The following WDR72 variants were observed in gnomAD, a reference collection of about 807,000 sequenced individuals.
WDR72 encodes WD repeat-containing protein 72.
A neutral mutation model predicts 124.2 loss-of-function variants in WDR72; 120 were observed. The ratio of observed to expected loss-of-function variants is 0.97; its 90% confidence interval spans 0.83 to 1.12. The LOEUF is 1.12. Among genes scored for constraint, WDR72 ranks in the 50% most tolerant of loss-of-function variants. WDR72 has a pLI of 0.00. For missense variants in WDR72, 1,387 were observed against 1,278.8 expected (o/e 1.08, Z -1.29); for synonymous variants, 452 against 441.7 (o/e 1.02, Z -0.29).
intron 14 of WDR72, among the ~76,000 whole-genome samples, chr15:53,640,427 A>C (rs1458396194): frequency 6.6e-6 from 1 of 152,126 alleles, no homozygotes; most frequent in African/African-American, 2.4e-5. Context: ...ACTGATGTAG[A>C]ATTTGGGGTA....
At chr15:53,747,132 A>G (rs893424581) in intron 1 of WDR72, among the ~76,000 whole-genome samples, 1 of 152,238 alleles carries the variant, frequency 6.6e-6, no homozygotes, top group Non-Finnish European at 1.5e-5. Flanking sequence ...AGAACATACC[A>G]GTCCAAGCTG....
chr15:53,726,264 G>GTGTATATATATATATATATATATATATA (rs1555428779), intron 2 of WDR72, among the ~76,000 whole-genome samples: 1 of 110,356 alleles, frequency 9.1e-6, no homozygotes, highest in African/African-American at 4.6e-5. Context: ...ATGTATGTGT[G>GTGTATATATATATATATATATATATATA]TATATATATA....
chr15:53,600,916 T>C (rs565413504), intron 17 of WDR72, among the ~76,000 whole-genome samples: 20 of 152,300 alleles, frequency 1.3e-4, no homozygotes, highest in African/African-American at 4.6e-4. Flanking sequence ...TATTTTTATG[T>C]TGAGTGTTTA....
chr15:53,740,598 T>G (rs978293486), intron 1 of WDR72, among the ~76,000 whole-genome samples: 1 of 152,210 alleles, frequency 6.6e-6, no homozygotes, highest in Non-Finnish European at 1.5e-5. Context: ...TCAACTAATT[T>G]TGATGCTTCT....
Position 53,714,450 on chromosome 15 carries a change from G to C in WDR72, c.575C>G (p.Ser192Cys), listed in dbSNP as rs201955540. 5.6e-6 allele frequency: 9 copies of C among 1,613,628 alleles called. No homozygotes were observed. The highest frequency in any genetic ancestry group is 7.6e-6 in the Non-Finnish European group (9 of 1,179,792). ...CAAGCCAACCTGAATGCTGTTGATA[G>C]ATGAGGAAAGATCCCATACTTTGAG... ...GELKVWDLSS[S>C]INSIQEKQDV... The change falls in exon 6 of 20, where the codon TCT becomes TGT. Residue 192 changes from serine to cysteine, a missense_variant. By Grantham distance (112) the Ser-to-Cys change is moderately radical (BLOSUM62 -1). Transcript: ENST00000360509.
At chr15:53,522,843 AC>A (rs1212109303) in intron 19 of WDR72, among the ~76,000 whole-genome samples, 13 of 151,880 alleles carry the variant, frequency 8.6e-5, no homozygotes, top group Non-Finnish European at 1.3e-4. Context: ...TTCTCTTTTC[AC>A]CCCCGTCTGT....
intron 18 of WDR72, among the ~76,000 whole-genome samples, chr15:53,580,691 G>A (rs72745159): frequency 3.0e-4 from 46 of 151,832 alleles, no homozygotes; most frequent in Non-Finnish European, 5.7e-4. Flanking sequence ...AACAGCTCAC[G>A]TTACCCAAAT....
chr15:53,700,402 A>C (rs1426938976), intron 12 of WDR72, among the ~76,000 whole-genome samples: 1 of 152,222 alleles, frequency 6.6e-6, no homozygotes, highest in African/African-American at 2.4e-5. Context: ...AGAACTATAC[A>C]GGTTCTAATC....
intron 18 of WDR72, chr15:53,541,211 C>A (rs968447754): frequency 1.3e-5 from 2 of 153,084 alleles, no homozygotes; most frequent in African/African-American, 4.8e-5. Context: ...AACAAAAAGA[C>A]AGCAGTAACC....
intron 17 of WDR72, among the ~76,000 whole-genome samples, chr15:53,608,358 T>C (rs1290527216): frequency 6.6e-6 from 1 of 152,172 alleles, no homozygotes; most frequent in African/African-American, 2.4e-5. Flanking sequence ...TGAGATCCTG[T>C]CATTTGCAAC....
chr15:53,742,272 A>G (rs1377183990), intron 1 of WDR72, among the ~76,000 whole-genome samples: 2 of 152,192 alleles, frequency 1.3e-5, no homozygotes, highest in Admixed American at 1.3e-4. Context: ...AGGAATCTCT[A>G]AGTGAAAATA....
intron 18 of WDR72, among the ~76,000 whole-genome samples, chr15:53,591,161 C>G (rs1482086384): frequency 6.6e-6 from 1 of 152,010 alleles, no homozygotes; most frequent in Admixed American, 6.6e-5. Context: ...TCTTGAGCCC[C>G]AAAGACTATG....
At chr15:53,609,763 G>A (rs2013454980) in intron 16 of WDR72, among the ~76,000 whole-genome samples, 171 bp from the exon 17 acceptor site, 1 of 151,916 alleles carries the variant, frequency 6.6e-6, no homozygotes, top group African/African-American at 2.4e-5. Context: ...GTAGAGGTGG[G>A]ACAGGCATTA....
intron 18 of WDR72, among the ~76,000 whole-genome samples, chr15:53,595,267 G>C (rs367707332): frequency 1.3e-5 from 2 of 149,516 alleles, no homozygotes; most frequent in East Asian, 3.9e-4. Flanking sequence ...GTCATAGTAA[G>C]ACTAAATTCT....
At chr15:53,635,145 C>T (rs1018489345) in intron 14 of WDR72, among the ~76,000 whole-genome samples, 1 of 152,160 alleles carries the variant, frequency 6.6e-6, no homozygotes, top group African/African-American at 2.4e-5. Context: ...CTCTGCAAAC[C>T]AGTGAGAAGC....
At chr15:53,595,437 G>A (rs1375920170) in intron 18 of WDR72, among the ~76,000 whole-genome samples, 1 of 152,082 alleles carries the variant, frequency 6.6e-6, no homozygotes, top group Non-Finnish European at 1.5e-5. Context: ...ACAGAATTGG[G>A]CACAATCTGG....
At chr15:53,714,602 G>T in intron 5 of WDR72, 92 bp from the exon 6 acceptor site, 3 of 979,772 alleles carry the variant, frequency 3.1e-6, no homozygotes, top group Non-Finnish European at 4.8e-6. Context: ...ATTACGCAGG[G>T]CTGTGTAGAT....
rs113775808 is a variant in WDR72 at position 53,633,080 on chromosome 15, G to A, written c.1963-16837C>T. Among the ~76,000 whole-genome samples, 544 of 152,246 alleles carry A rather than the reference G, an allele frequency of 3.6e-3. 2 individuals carry two copies. Among genetic ancestry groups the A allele is most frequent in the African/African-American group, 0.013 (524 of 41,548 alleles). On this transcript the variant is annotated intron_variant, in intron 14 of 19. Transcript: ENST00000360509. ...GAGATGATATTTGGGAGGGGCCAGAGGTGGAATGATATGGTTTGAATATGT... is the reference window on the plus strand; with the variant it reads ...GAGATGATATTTGGGAGGGGCCAGAAGTGGAATGATATGGTTTGAATATGT...
At chr15:53,725,465 A>C (rs2017994624) in intron 2 of WDR72, among the ~76,000 whole-genome samples, 1 of 152,208 alleles carries the variant, frequency 6.6e-6, no homozygotes, top group Non-Finnish European at 1.5e-5. Flanking sequence ...TATTTAACCC[A>C]AGTAAGTTGA....
Sources: allele counts gnomAD v4.1 joint callset (sites outside exome capture counted in the v4.1 genomes callset), GRCh38; gene constraint gnomAD v4.1.1; transcripts MANE v1.5; gene names NCBI Gene and HGNC (gene_info 2026-07-23, HGNC 2026-07-21).